CLVS1: variants seen among roughly 807,000 people sequenced by gnomAD.
CLVS1 encodes clavesin-1.
In CLVS1, 10 loss-of-function variants were observed where a neutral mutation model predicts 33.1. That is an observed-to-expected ratio of 0.30 (90% CI 0.19 to 0.51). CLVS1 has a LOEUF of 0.51. Among genes scored for constraint, CLVS1 ranks in the 20% least tolerant of loss-of-function variants. CLVS1 has a pLI of 0.97. For missense variants in CLVS1, 343 were observed against 433.4 expected (o/e 0.79, Z 1.85); for synonymous variants, 163 against 166.1 (o/e 0.98, Z 0.14).
At chr8:61,053,346 T>C (rs778262305), upstream of CLVS1, among the ~76,000 whole-genome samples, 18 of 151,374 alleles carry the variant, frequency 1.2e-4, no homozygotes, top group African/African-American at 3.2e-4. Flanking sequence ...CATGAGGAGG[T>C]TGGAGTGAGG....
At position 61,232,042 on chromosome 8, in the gene CLVS1, T is replaced by TG. The variant is rs1563455154; in HGVS notation, c.-151-67635_-151-67634insG. ...GTTGTGGTTTTTTTTTTTTTTTTTTTTTTTTTTTGTGAGATGGAGTCTCGC... is the reference window on the plus strand; with the variant it reads ...GTTGTGGTTTTTTTTTTTTTTTTTTTGTTTTTTTTGTGAGATGGAGTCTCGC... On this transcript the variant is annotated intron_variant, in intron 2 of 2. Coordinates refer to the CLVS1 transcript ENST00000522621. 4.4e-5 allele frequency among the ~76,000 whole-genome samples: 6 copies of TG among 135,684 alleles called. 1 individual carries two copies. The highest frequency in any genetic ancestry group is 2.5e-4 in the South Asian group (1 of 4,044). 89.0% of individuals were successfully genotyped at this position (135,684 alleles called of 152,430 possible). A position where few individuals can be genotyped will look rare whatever the true frequency, so the allele number is the denominator to read the frequency against.
intron 1 of CLVS1, among the ~76,000 whole-genome samples, chr8:61,123,472 A>G (rs758072714): frequency 3.9e-4 from 59 of 152,358 alleles, no homozygotes; most frequent in Non-Finnish European, 7.2e-4. Context: ...GCTAAAAATT[A>G]TATGTGGTAA....
the CLVS1 span, among the ~76,000 whole-genome samples, chr8:61,002,898 T>A: frequency 6.6e-6 from 1 of 152,236 alleles, no homozygotes; most frequent in Non-Finnish European, 1.5e-5. Context: ...TGGGGTTTTG[T>A]GTCTTGGTCT....
chr8:61,207,339 AGGTGCATGGGCTCCAGGGATTTGCAGC>A (rs1807873737), intron 2 of CLVS1, among the ~76,000 whole-genome samples: 1 of 31,894 alleles, frequency 3.1e-5, no homozygotes, highest in African/African-American at 3.9e-4. Context: ...GAATGTGCAG[AGGTGCATGGGCTCCAGGGATTTGCAGC>A]GGTGCATGGG....
chr8:61,042,325 A>G, the CLVS1 span, among the ~76,000 whole-genome samples: 2 of 152,324 alleles, frequency 1.3e-5, no homozygotes, highest in African/African-American at 4.8e-5. Flanking sequence ...AGAATCCACA[A>G]TATTCTCTAT....
intron 2 of CLVS1, among the ~76,000 whole-genome samples, chr8:61,372,522 TACAGTGTTACTGTTACG>T (rs1813481505): frequency 1.3e-5 from 2 of 152,330 alleles, no homozygotes; most frequent in Non-Finnish European, 1.5e-5. Flanking sequence ...CTTATAGTAG[TACAGTGTTACTGTTACG>T]ACTAATGAAC....
chr8:61,365,779 G>A (rs555312192), intron 2 of CLVS1, among the ~76,000 whole-genome samples: 27 of 132,650 alleles, frequency 2.0e-4, no homozygotes, highest in African/African-American at 8.2e-4. Context: ...GTGTGTGCGT[G>A]TGTGTGTGTG....
intron 3 of CLVS1, among the ~76,000 whole-genome samples, chr8:61,411,748 G>C (rs1268967171): frequency 5.3e-5 from 8 of 152,176 alleles, no homozygotes; most frequent in African/African-American, 1.4e-4. Flanking sequence ...CCCATGGTGG[G>C]TCACCTTCCT....
intron 1 of CLVS1, among the ~76,000 whole-genome samples, chr8:61,289,291 G>A (rs2129593678): frequency 6.6e-6 from 1 of 152,332 alleles, no homozygotes; most frequent in South Asian, 2.1e-4. Context: ...TCTGCTTTTA[G>A]AGTGCTATCA....
chr8:61,353,566 A>T (rs1812562808), intron 2 of CLVS1, among the ~76,000 whole-genome samples: 1 of 151,934 alleles, frequency 6.6e-6, no homozygotes, highest in African/African-American at 2.4e-5. Context: ...AAAACGCAGC[A>T]TATCCACATA....
intron 3 of CLVS1, among the ~76,000 whole-genome samples, chr8:61,401,031 G>C (rs894270407): frequency 6.6e-6 from 1 of 151,392 alleles, no homozygotes; most frequent in African/African-American, 2.4e-5. Context: ...GTATCTTTTT[G>C]ATATTTTAGA....
chr8:61,322,618 G>A (rs1482393837), intron 2 of CLVS1, among the ~76,000 whole-genome samples: 1 of 152,116 alleles, frequency 6.6e-6, no homozygotes, highest in Admixed American at 6.6e-5. Flanking sequence ...AATAAATATA[G>A]AGAAGTTTGT....
chr8:61,290,386 AACAGAAATT>A (rs2129593758), intron 1 of CLVS1, among the ~76,000 whole-genome samples: 1 of 152,346 alleles, frequency 6.6e-6, no homozygotes, highest in East Asian at 1.9e-4. Flanking sequence ...TATTTTCAGT[AACAGAAATT>A]ACTCATTTTT....
chr8:61,276,253 A>G (rs184966015), intron 2 of CLVS1, among the ~76,000 whole-genome samples: 1 of 152,320 alleles, frequency 6.6e-6, no homozygotes, highest in Non-Finnish European at 1.5e-5. Flanking sequence ...ATCCACCCAC[A>G]TTAGTTTACA....
chr8:61,208,348 A>C (rs113214996), intron 2 of CLVS1, among the ~76,000 whole-genome samples: 2 of 152,238 alleles, frequency 1.3e-5, no homozygotes, highest in Admixed American at 1.3e-4. Flanking sequence ...TTAATTTTGA[A>C]GAAAGGGCTC....
chr8:61,449,071 GTGGGGTGTGC>G (rs898114022), intron 3 of CLVS1, among the ~76,000 whole-genome samples: 5 of 151,924 alleles, frequency 3.3e-5, no homozygotes, highest in African/African-American at 1.2e-4. Context: ...GGCAGTGAAA[GTGGGGTGTGC>G]TGCCTCATCA....
At chr8:61,137,522 G>A (rs752587825) in intron 2 of CLVS1, among the ~76,000 whole-genome samples, 23 of 152,148 alleles carry the variant, frequency 1.5e-4, no homozygotes, top group Non-Finnish European at 3.1e-4. Flanking sequence ...AACATACTCA[G>A]TTGATTTTCC....
intron 1 of CLVS1, among the ~76,000 whole-genome samples, chr8:61,102,529 A>G (rs1585611714): frequency 6.6e-6 from 1 of 152,372 alleles, no homozygotes; most frequent in Non-Finnish European, 1.5e-5. Context: ...GTACCAGATC[A>G]TATCATCTGT....
At chr8:61,029,264 G>A in the CLVS1 span, among the ~76,000 whole-genome samples, 17 of 152,136 alleles carry the variant, frequency 1.1e-4, no homozygotes, top group African/African-American at 3.4e-4. Context: ...TTGGCTTTCC[G>A]GCAGCCGTGA....
Sources: allele counts gnomAD v4.1 joint callset (sites outside exome capture counted in the v4.1 genomes callset), GRCh38; gene constraint gnomAD v4.1.1; transcripts MANE v1.5; gene names NCBI Gene and HGNC (gene_info 2026-07-23, HGNC 2026-07-21).